NRCAM: variants seen among roughly 807,000 people sequenced by gnomAD.
NRCAM encodes the protein neuronal cell adhesion molecule.
A neutral mutation model predicts 156.5 loss-of-function variants in NRCAM; 83 were observed. The ratio of observed to expected loss-of-function variants is 0.53; its 90% CI spans 0.44 to 0.64. The LOEUF (loss-of-function observed/expected upper bound fraction) is 0.64. NRCAM is among the 30% of genes least tolerant of loss of function. The pLI, the probability that NRCAM is intolerant of heterozygous loss-of-function variation, is 0.00. For synonymous variants in NRCAM, 538 were observed against 563.9 expected, an observed-to-expected ratio of 0.95 and a Z score of 0.65; for missense variants, 1,417 against 1,597.3, an observed-to-expected ratio of 0.89 and a Z score of 1.92.
Position 108,166,972 on chromosome 7 carries a change from C to T in NRCAM, c.3415G>A (p.Val1139Met). ...GAACTCACAAAACCAGAGTCCCCCA[C>T]AGCACCAACTCGAACTTTGTATGCT... is the stretch of plus-strand genomic sequence containing the variant. ...GTAYKVRVGA[V>M]GDSGFVSSED... Residue 1139 changes from valine to methionine, a missense_variant, in exon 30 of 33, where the codon GTG becomes ATG. By Grantham distance (21) the Val-to-Met change is conservative. Transcript: ENST00000379028. 1 of 1,613,998 alleles carries T rather than the reference C, an allele frequency of 6.2e-7. No individual in the cohort carries two copies. Among genetic ancestry groups the T allele is most frequent in the South Asian group, 1.1e-5 (1 of 91,078 alleles).
intron 1 of NRCAM, among the ~76,000 whole-genome samples, chr7:108,436,112 C>T (rs1038721111): frequency 6.6e-6 from 1 of 152,140 alleles, no homozygotes; most frequent in African/African-American, 2.4e-5. Flanking sequence ...CCAGCCTGGG[C>T]GACAGAGTGA....
At chr7:108,189,033 C>G (rs544669175) in intron 20 of NRCAM, among the ~76,000 whole-genome samples, 1 of 135,898 alleles carries the variant, frequency 7.4e-6, no homozygotes, top group Non-Finnish European at 1.6e-5. Flanking sequence ...TTTTATTATG[C>G]TCTTCTAGTA....
intron 2 of NRCAM, among the ~76,000 whole-genome samples, chr7:108,373,391 C>T (rs937652875): frequency 3.9e-5 from 6 of 152,092 alleles, no homozygotes; most frequent in South Asian, 2.1e-4. Flanking sequence ...ATGTGAAAGG[C>T]TGCTTCAAAA....
intron 3 of NRCAM, among the ~76,000 whole-genome samples, chr7:108,305,590 A>G (rs748310616): frequency 6.6e-6 from 1 of 152,068 alleles, no homozygotes; most frequent in Non-Finnish European, 1.5e-5. Context: ...CTCTCCTTTC[A>G]TAACCTGTTC....
chr7:108,298,462 G>A (rs901509660), intron 3 of NRCAM, among the ~76,000 whole-genome samples: 6 of 149,658 alleles, frequency 4.0e-5, no homozygotes, highest in African/African-American at 1.5e-4. Context: ...TGGCTAACAC[G>A]GTGAAACCCC....
intron 3 of NRCAM, among the ~76,000 whole-genome samples, chr7:108,269,996 C>T (rs1051301487): frequency 1.3e-4 from 20 of 152,316 alleles, no homozygotes; most frequent in Middle Eastern, 3.4e-3. Flanking sequence ...AACATTGCTT[C>T]TTTCCTTTGT....
At chr7:108,438,615 C>T (rs1172956927) in intron 1 of NRCAM, among the ~76,000 whole-genome samples, 1 of 152,108 alleles carries the variant, frequency 6.6e-6, no homozygotes, top group Non-Finnish European at 1.5e-5. Context: ...ACTCTTACCA[C>T]TTCTATTCAA....
chr7:108,411,995 C>A (rs1048328870), intron 1 of NRCAM, among the ~76,000 whole-genome samples: 1 of 152,062 alleles, frequency 6.6e-6, no homozygotes, highest in Non-Finnish European at 1.5e-5. Context: ...ATACACAGAT[C>A]CCCCAAAATG....
chr7:108,397,233 T>C (rs547071073), intron 2 of NRCAM, among the ~76,000 whole-genome samples: 2 of 152,288 alleles, frequency 1.3e-5, no homozygotes, highest in South Asian at 4.1e-4. Flanking sequence ...TATGAAAAAG[T>C]GACAGATTCG....
Position 108,205,831 on chromosome 7 carries a change from C to T in NRCAM, c.1207+1697G>A, listed in dbSNP as rs548364111. The stretch of plus-strand genomic sequence containing the variant: ...CTCTAACTCCTGTACTCAAGAAATC[C>T]GCCCGCCATAGCCTCTGAAAGTGCT... On this transcript the variant is annotated intron_variant, in intron 13 of 32. Coordinates refer to ENST00000379028, the MANE Select transcript of NRCAM (RefSeq NM_001037132.4). Among the ~76,000 whole-genome samples, 12 of 152,166 alleles carry T rather than the reference C, an allele frequency of 7.9e-5. No homozygotes were observed. In the South Asian group the frequency reaches 1.7e-3, roughly 21 times the overall value.
intron 1 of NRCAM, among the ~76,000 whole-genome samples, chr7:108,435,949 G>C (rs1831559066): frequency 1.3e-5 from 2 of 152,164 alleles, no homozygotes; most frequent in South Asian, 4.1e-4. Context: ...TGGCTAACAA[G>C]GTAAAACCCC....
At chr7:108,268,731 T>C (rs1348198666) in intron 3 of NRCAM, among the ~76,000 whole-genome samples, 1 of 151,664 alleles carries the variant, frequency 6.6e-6, no homozygotes, top group Non-Finnish European at 1.5e-5. Context: ...TGTTCTACAG[T>C]GTTAGTGTAA....
At chr7:108,250,542 A>G (rs2153892975) in intron 3 of NRCAM, among the ~76,000 whole-genome samples, 1 of 152,218 alleles carries the variant, frequency 6.6e-6, no homozygotes, top group South Asian at 2.1e-4. Flanking sequence ...TGGGATCTAA[A>G]ATTCAAAACA....
At chr7:108,278,884 C>T (rs548792807) in intron 3 of NRCAM, among the ~76,000 whole-genome samples, 17 of 152,318 alleles carry the variant, frequency 1.1e-4, no homozygotes, top group African/African-American at 3.4e-4. Context: ...TGTTCCTATT[C>T]GGCCATCTTG....
At chr7:108,332,134 A>G (rs2099133254) in intron 2 of NRCAM, among the ~76,000 whole-genome samples, 2 of 152,190 alleles carry the variant, frequency 1.3e-5, no homozygotes, top group Admixed American at 6.5e-5. Flanking sequence ...ATTTGAGGAA[A>G]GTGCCACAGG....
At chr7:108,320,228 G>C (rs2098984235) in intron 2 of NRCAM, among the ~76,000 whole-genome samples, 1 of 152,086 alleles carries the variant, frequency 6.6e-6, no homozygotes, top group African/African-American at 2.4e-5. Flanking sequence ...AGGCAAGGAG[G>C]ATAGCTTGGG....
intron 3 of NRCAM, among the ~76,000 whole-genome samples, chr7:108,261,402 C>T (rs2153994478): frequency 1.3e-5 from 2 of 152,340 alleles, no homozygotes; most frequent in Admixed American, 1.3e-4. Context: ...TTGCTCCACA[C>T]ATTGTCTACA....
At chr7:108,388,406 G>C (rs1023071214) in intron 2 of NRCAM, among the ~76,000 whole-genome samples, 32 of 152,230 alleles carry the variant, frequency 2.1e-4, no homozygotes, top group African/African-American at 7.5e-4. Flanking sequence ...TGATGAGGTT[G>C]TTTGATTTTT....
intron 7 of NRCAM, among the ~76,000 whole-genome samples, chr7:108,231,754 G>A (rs1271120151): frequency 6.6e-6 from 1 of 152,030 alleles, no homozygotes; most frequent in East Asian, 1.9e-4. Context: ...TGTTTAATTA[G>A]TTTTTCTACA....
Sources: allele counts gnomAD v4.1 joint callset (sites outside exome capture counted in the v4.1 genomes callset), GRCh38; gene constraint gnomAD v4.1.1; transcripts MANE v1.5; gene names NCBI Gene and HGNC (gene_info 2026-07-23, HGNC 2026-07-21).